The following TEKT5 variants were observed in gnomAD, a reference collection of about 807,000 sequenced individuals.
The protein encoded by TEKT5 is tektin 5.
TEKT5 carries 52 observed loss-of-function variants against 48.7 expected under a neutral mutation model. The ratio of observed to expected loss-of-function variants is 1.07; its 90% CI spans 0.86 to 1.35. The LOEUF is 1.35. Among genes scored for constraint, TEKT5 ranks in the 40% most tolerant of loss-of-function variants. The pLI, the probability that TEKT5 is intolerant of heterozygous loss-of-function variation, is 0.00. For missense variants in TEKT5, 831 were observed against 641.6 expected (o/e 1.30, Z -3.19); for synonymous variants, 318 against 267.6 (o/e 1.19, Z -1.84).
At position 10,627,778 on chromosome 16, in the gene TEKT5, G is replaced by T. The variant is rs1473721801; in HGVS notation, c.1263C>A (p.Thr421=). ...TGAGGGTCTGCAGGGTGTCGTCGAT[G>T]GTGAACACCTCGTTCACCAGCCTGG... ...PQLKLVNEVF[T]IDDTLQTLKL... Residue 421 remains threonine (T), a synonymous_variant, in exon 7 of 7, where the codon ACC becomes ACA. Transcript: ENST00000283025. 1.2e-6 allele frequency: 2 copies of T among 1,614,186 alleles called. No homozygotes were observed. Among genetic ancestry groups the T allele is most frequent in the Non-Finnish European group, 1.7e-6 (2 of 1,180,032 alleles).
chr16:10,631,387 T>A, intron 6 of TEKT5, among the ~76,000 whole-genome samples: 1 of 149,066 alleles, frequency 6.7e-6, no homozygotes, highest in African/African-American at 2.5e-5. Context: ...GGGAATGGCA[T>A]GCTGACTCGA....
chr16:10,664,546 G>A (rs1898427550), intron 5 of TEKT5, among the ~76,000 whole-genome samples: 1 of 152,182 alleles, frequency 6.6e-6, no homozygotes, highest in Non-Finnish European at 1.5e-5. Flanking sequence ...AGTCACCTGG[G>A]GAGTTTTAAA....
intron 5 of TEKT5, among the ~76,000 whole-genome samples, chr16:10,675,157 T>C (rs1898622403): frequency 6.6e-6 from 1 of 152,134 alleles, no homozygotes; most frequent in Non-Finnish European, 1.5e-5. Context: ...CAAACACAAA[T>C]TCAAGGCTAG....
At chr16:10,635,326 G>T (rs1897897899) in intron 6 of TEKT5, among the ~76,000 whole-genome samples, 1 of 151,896 alleles carries the variant, frequency 6.6e-6, no homozygotes, top group South Asian at 2.1e-4. Flanking sequence ...GCTCTTCCAG[G>T]GCTTCATGGT....
intron 5 of TEKT5, among the ~76,000 whole-genome samples, chr16:10,636,835 G>A (rs1379954864): frequency 7.7e-6 from 1 of 129,416 alleles, no homozygotes; most frequent in East Asian, 2.4e-4. Flanking sequence ...TTATTATTTT[G>A]ACAGGGAGTC....
intron 3 of TEKT5, among the ~76,000 whole-genome samples, chr16:10,685,628 CCTT>C (rs1043053422): frequency 1.6e-4 from 25 of 152,128 alleles, no homozygotes; most frequent in African/African-American, 6.0e-4. Context: ...CTGTCTCTCT[CCTT>C]CTCTTTGCCT....
rs746031988 is a variant in TEKT5, at chr16:10,682,009, C to T, written c.847G>A (p.Glu283Lys). ...SDCISFFHGM[E>K]KIDGTISVPE... is the part of the protein sequence containing the mutation. ...GATACTTACGTGCCGTCAATTTTCT[C>T]CATGCCGTGGAAGAAGCTGATGCAG... The change falls in exon 4 of 7, where the codon GAG becomes AAG. Residue 283 changes from glutamate (E) to lysine (K), a missense_variant. Physicochemically the swap from Glu to Lys is moderately conservative, Grantham distance 56 (BLOSUM62 1). Transcript: ENST00000283025. 3 of 1,613,828 alleles carry T rather than the reference C, an allele frequency of 1.9e-6. No individual in the cohort carries two copies. Among genetic ancestry groups the T allele is most frequent in the Non-Finnish European group, 2.5e-6 (3 of 1,179,898 alleles).
At chr16:10,638,811 CT>C (rs1248885280) in intron 5 of TEKT5, among the ~76,000 whole-genome samples, 2 of 152,160 alleles carry the variant, frequency 1.3e-5, no homozygotes, top group Non-Finnish European at 1.5e-5. Context: ...CCAGTGAAGC[CT>C]TACTTGAAAG....
At chr16:10,662,610 C>T (rs941018083) in intron 5 of TEKT5, among the ~76,000 whole-genome samples, 1 of 152,240 alleles carries the variant, frequency 6.6e-6, no homozygotes, top group Admixed American at 6.5e-5. Flanking sequence ...CCATTGCTTT[C>T]TTGCAACGTA....
At chr16:10,640,417 G>A (rs1445088841) in intron 5 of TEKT5, among the ~76,000 whole-genome samples, 2 of 152,180 alleles carry the variant, frequency 1.3e-5, no homozygotes, top group African/African-American at 4.8e-5. Flanking sequence ...TGACTGGTCT[G>A]TACGTGACTT....
intron 5 of TEKT5, among the ~76,000 whole-genome samples, chr16:10,659,795 T>C (rs926513907): frequency 6.6e-6 from 1 of 151,912 alleles, no homozygotes; most frequent in Non-Finnish European, 1.5e-5. Flanking sequence ...AGGTGAAAGG[T>C]GAATGGGGAA....
At chr16:10,680,206 GAAGGA>G (rs1898723162) in intron 4 of TEKT5, among the ~76,000 whole-genome samples, 1 of 152,260 alleles carries the variant, frequency 6.6e-6, no homozygotes, top group Admixed American at 6.5e-5. Context: ...GTCAGGAAGA[GAAGGA>G]AAGTCCCCAG....
In TEKT5 at chr16:10,690,159, A is replaced by G. The variant is rs896814705; in HGVS notation, c.565-134T>C. On this transcript the variant is annotated intron_variant, in intron 1 of 6. Transcript: ENST00000283025. ...CCTGGGTGCTTCATGTGACCTCACT[A>G]CTGGGCATTGGATGGGCTTCTGCCT... The G allele has an allele frequency of 6.1e-6, 5 of 821,924 alleles. No individual in the cohort carries two copies. The East Asian group carries it at 1.1e-4, about 17-fold the overall frequency. 50.9% of individuals were successfully genotyped at this position (821,924 alleles called of 1,614,324 possible). A position where few individuals can be genotyped will look rare whatever the true frequency, so the allele number is the denominator to read the frequency against.
chr16:10,679,149 T>C (rs1020731427), intron 4 of TEKT5, among the ~76,000 whole-genome samples: 3 of 152,192 alleles, frequency 2.0e-5, no homozygotes, highest in Non-Finnish European at 4.4e-5. Context: ...GTCCTTGTCA[T>C]GGCACTGGAC....
intron 5 of TEKT5, among the ~76,000 whole-genome samples, chr16:10,672,467 G>T (rs1030318616): frequency 7.2e-5 from 11 of 152,050 alleles, no homozygotes; most frequent in Admixed American, 7.2e-4. Context: ...ATGGCGGGGG[G>T]TGTCTGTAAT....
chr16:10,653,852 G>T (rs1898211347), intron 5 of TEKT5, among the ~76,000 whole-genome samples: 1 of 152,322 alleles, frequency 6.6e-6, no homozygotes, highest in African/African-American at 2.4e-5. Flanking sequence ...GGCAAAATTT[G>T]CAGTGAGCCG....
At chr16:10,675,730 C>A (rs772639141) in intron 5 of TEKT5, among the ~76,000 whole-genome samples, 5 of 151,990 alleles carry the variant, frequency 3.3e-5, no homozygotes, top group Non-Finnish European at 7.4e-5. Flanking sequence ...CACAGCTAGG[C>A]CAAGCTCCAG....
chr16:10,659,363 G>A (rs966989589), intron 5 of TEKT5, among the ~76,000 whole-genome samples: 4 of 152,152 alleles, frequency 2.6e-5, no homozygotes, highest in African/African-American at 9.7e-5. Context: ...TCTTTGCTGT[G>A]TTATACCTTA....
intron 5 of TEKT5, among the ~76,000 whole-genome samples, chr16:10,674,324 A>G (rs1188638180): frequency 6.6e-6 from 1 of 151,552 alleles, no homozygotes. Context: ...AAAATGTTGC[A>G]ATGATTTCAT....
Sources: allele counts gnomAD v4.1 joint callset (sites outside exome capture counted in the v4.1 genomes callset), GRCh38; gene constraint gnomAD v4.1.1; transcripts MANE v1.5; gene names NCBI Gene and HGNC (gene_info 2026-07-23, HGNC 2026-07-21).